Variants in GNG7 observed in about 807,000 individuals in gnomAD.
The protein encoded by GNG7 is G protein subunit gamma 7.
A neutral mutation model predicts 4.0 loss-of-function variants in GNG7; 1 was observed. The ratio of observed to expected loss-of-function variants is 0.25; its 90% CI spans 0.09 to 1.18. The LOEUF (loss-of-function observed/expected upper bound fraction) is 1.18. Among genes scored for constraint, GNG7 ranks in the 50% most tolerant of loss-of-function variants. GNG7 has a pLI of 0.50. For missense variants in GNG7, 86 were observed against 91.9 expected (o/e 0.94, Z 0.26); for synonymous variants, 34 against 36.9 (o/e 0.92, Z 0.29).
chr19:2,636,910 C>G (rs183992936), intron 2 of GNG7, among the ~76,000 whole-genome samples: 11 of 151,784 alleles, frequency 7.2e-5, no homozygotes, highest in Admixed American at 7.2e-4. Context: ...CTGAACCCAA[C>G]TACGCACACC....
At chr19:2,645,315 T>C (rs1460920845) in intron 2 of GNG7, among the ~76,000 whole-genome samples, 2 of 150,768 alleles carry the variant, frequency 1.3e-5, no homozygotes, top group Non-Finnish European at 2.9e-5. Context: ...CTTGGCTCAC[T>C]GCAACCACCA....
intron 2 of GNG7, among the ~76,000 whole-genome samples, chr19:2,645,994 AC>A (rs1982655213): frequency 6.6e-6 from 1 of 152,098 alleles, no homozygotes; most frequent in African/African-American, 2.4e-5. Flanking sequence ...CACCAGCAGG[AC>A]CAGTGAGTGC....
Position 2,544,905 on chromosome 19 carries a change from T to C in GNG7, c.-38+10244A>G, listed in dbSNP as rs374762341. On this transcript the variant is annotated intron_variant, in intron 3 of 4. Coordinates refer to ENST00000382159, the MANE Select transcript of GNG7 (RefSeq NM_052847.3). ...TCCACAGTGCTGAGGGAGAAGACCC[T>C]GAGTTAATTATTTGGGGAAAATGGG... 3.0e-3 allele frequency among the ~76,000 whole-genome samples: 451 copies of C among 152,186 alleles called. 1 individual carries two copies. Among genetic ancestry groups the C allele is most frequent in the African/African-American group, 9.7e-3 (403 of 41,520 alleles).
chr19:2,659,193 T>A (rs1052314286), intron 1 of GNG7, among the ~76,000 whole-genome samples: 6 of 151,516 alleles, frequency 4.0e-5, no homozygotes, highest in Non-Finnish European at 7.4e-5. Context: ...ATGGTCTCAA[T>A]CTCCTGACCT....
At chr19:2,619,059 G>C (rs1160317271) in intron 2 of GNG7, among the ~76,000 whole-genome samples, 2 of 152,180 alleles carry the variant, frequency 1.3e-5, no homozygotes, top group East Asian at 3.8e-4. Flanking sequence ...TGGCTACCCT[G>C]AGAGCTTATA....
At chr19:2,643,245 G>GC (rs1555699749) in intron 2 of GNG7, 1 of 391,094 alleles carries the variant, frequency 2.6e-6, no homozygotes, top group African/African-American at 3.2e-5. Flanking sequence ...CAAAGTCTGA[G>GC]CCTCTCCGGG....
chr19:2,658,344 CTT>C (rs1160968686), intron 1 of GNG7, among the ~76,000 whole-genome samples: 1 of 152,164 alleles, frequency 6.6e-6, no homozygotes, highest in Non-Finnish European at 1.5e-5. Flanking sequence ...GCATATTCCT[CTT>C]TGTTATTTGT....
At chr19:2,581,236 T>C (rs936615094) in intron 2 of GNG7, among the ~76,000 whole-genome samples, 10 of 149,564 alleles carry the variant, frequency 6.7e-5, no homozygotes, top group Non-Finnish European at 1.3e-4. Flanking sequence ...TGCTTCCTCC[T>C]CTCCCCTCCC....
intron 2 of GNG7, among the ~76,000 whole-genome samples, chr19:2,631,710 T>C (rs1266068919): frequency 6.6e-6 from 1 of 151,688 alleles, no homozygotes; most frequent in African/African-American, 2.4e-5. Context: ...AAACAGGAAG[T>C]GGAGGGCCAG....
intron 1 of GNG7, among the ~76,000 whole-genome samples, chr19:2,688,987 C>T (rs1463649432): frequency 6.6e-6 from 1 of 151,882 alleles, no homozygotes; most frequent in Non-Finnish European, 1.5e-5. Flanking sequence ...ATCGCTTGAG[C>T]CCAGGAGTTG....
chr19:2,524,521 T>C (rs1037118748), intron 3 of GNG7, among the ~76,000 whole-genome samples: 1 of 152,386 alleles, frequency 6.6e-6, no homozygotes, highest in East Asian at 1.9e-4. Context: ...TATATGCGTG[T>C]GTGCACACAT....
rs1341720539 is a variant in GNG7 at position 2,653,389 on chromosome 19, G to A, written c.-134-7109C>T. 2.0e-5 allele frequency among the ~76,000 whole-genome samples: 3 copies of A among 152,168 alleles called. No individual in the cohort carries two copies. Among genetic ancestry groups the A allele is most frequent in the African/African-American group, 4.8e-5 (2 of 41,520 alleles). On this transcript the variant is annotated intron_variant, in intron 1 of 4. Transcript: ENST00000382159. This position sits in a 1 kb window ranked among gnomAD's most constrained non-coding sequence, Gnocchi z 4.8. ...GATCGATCTGAGTCCCATGATCCTCGGCCCTGCTGAGGTCCCAGGAGGCTG... is the reference window on the plus strand; with the variant it reads ...GATCGATCTGAGTCCCATGATCCTCAGCCCTGCTGAGGTCCCAGGAGGCTG...
In GNG7 at chr19:2,611,050, G is replaced by GGCACC. The variant is rs1424803171; in HGVS notation, c.-78+35169_-78+35173dup. The GGCACC allele has an allele frequency of 6.6e-6, 1 of 151,854 alleles. No individual in the cohort carries two copies. Among genetic ancestry groups the GGCACC allele is most frequent in the Admixed American group, 6.6e-5 (1 of 15,246 alleles). 9.4% of individuals were successfully genotyped at this position (151,854 alleles called of 1,614,324 possible). Reference sequence around the variant, plus strand: ...AACATTCTCAGAAAGGACCACGCCCGGCACCGGCCTTGGATGGCTTCCCTC... The same window carrying GGCACC: ...AACATTCTCAGAAAGGACCACGCCCGGCACCGCACCGGCCTTGGATGGCTTCCCTC... On this transcript the variant is annotated intron_variant, in intron 2 of 4. Coordinates refer to ENST00000382159, the MANE Select transcript of GNG7 (RefSeq NM_052847.3). The surrounding 1 kb of genome is among the most constrained non-coding windows in gnomAD (Gnocchi z 6.0).
intron 2 of GNG7, among the ~76,000 whole-genome samples, chr19:2,644,368 T>C (rs1409042469): frequency 4.8e-5 from 1 of 20,806 alleles, no homozygotes; most frequent in Non-Finnish European, 9.8e-5. Flanking sequence ...TATATATATA[T>C]ATATATATAT....
At chr19:2,676,353 G>C (rs1049508498) in intron 1 of GNG7, among the ~76,000 whole-genome samples, 1 of 151,920 alleles carries the variant, frequency 6.6e-6, no homozygotes, top group Middle Eastern at 3.2e-3. Context: ...GGCATGTTCA[G>C]ACACCCTCCT....
chr19:2,553,125 CA>C (rs36098274), intron 3 of GNG7, among the ~76,000 whole-genome samples: 157 of 112,366 alleles, frequency 1.4e-3, no homozygotes, highest in Non-Finnish European at 1.9e-3. Context: ...AAAGCAAAAC[CA>C]AAAAAAAAAA....
At chr19:2,527,333 C>T (rs1362230403) in intron 3 of GNG7, among the ~76,000 whole-genome samples, 1 of 152,176 alleles carries the variant, frequency 6.6e-6, no homozygotes, top group Non-Finnish European at 1.5e-5. Context: ...CTCCCACCGG[C>T]CCTCATCTGG....
At chr19:2,542,881 CTTTTTTTTTT>C (rs60152060) in intron 3 of GNG7, among the ~76,000 whole-genome samples, 1 of 118,350 alleles carries the variant, frequency 8.4e-6, no homozygotes, top group East Asian at 2.4e-4. Flanking sequence ...TGCTGTTTTC[CTTTTTTTTTT>C]TTTTTTTTGG....
chr19:2,682,594 C>T (rs1406984525), intron 1 of GNG7, among the ~76,000 whole-genome samples: 6 of 139,774 alleles, frequency 4.3e-5, no homozygotes, highest in East Asian at 2.1e-4. Context: ...ACCCGGGAGA[C>T]GGAGGTTGCA....
Sources: gnomAD v4.1 joint callset for allele counts (sites outside exome capture counted in the v4.1 genomes callset) on GRCh38, gnomAD v4.1.1 for gene constraint, Gnocchi (gnomAD v3.1) non-coding constraint, MANE v1.5 for transcripts, NCBI Gene and HGNC (gene_info 2026-07-23, HGNC 2026-07-21) for gene names.